Variants in TMEM132D observed in about 807,000 individuals in gnomAD.
TMEM132D encodes mature OL transmembrane protein.
A neutral mutation model predicts 62.3 loss-of-function variants in TMEM132D; 21 were observed. That is an observed-to-expected ratio of 0.34 (90% confidence interval 0.24 to 0.49). The LOEUF (loss-of-function observed/expected upper bound fraction) is 0.49, where lower values mean the gene tolerates loss of function less well. TMEM132D is among the 20% of genes least tolerant of loss of function. TMEM132D has a pLI of 0.99. For synonymous variants in TMEM132D, 621 were observed against 575.6 expected, an observed-to-expected ratio of 1.08 and a Z score of -1.13; for missense variants, 1,346 against 1,402.8, an observed-to-expected ratio of 0.96 and a Z score of 0.65.
intron 4 of TMEM132D, among the ~76,000 whole-genome samples, chr12:129,322,267 G>A (rs2128280): frequency 0.28 from 42,821 of 151,904 alleles, 6,793 homozygotes; most frequent in Non-Finnish European, 0.35. Context: ...ATAGTTCCAT[G>A]CTTAAATCCT....
At chr12:129,157,696 C>T (rs1462527405) in intron 5 of TMEM132D, among the ~76,000 whole-genome samples, 1 of 152,208 alleles carries the variant, frequency 6.6e-6, no homozygotes, top group Non-Finnish European at 1.5e-5. Flanking sequence ...AACAAAACCA[C>T]AGACCATCTG....
chr12:129,286,840 G>A (rs1881312008), intron 4 of TMEM132D, among the ~76,000 whole-genome samples: 1 of 152,160 alleles, frequency 6.6e-6, no homozygotes, highest in South Asian at 2.1e-4. Flanking sequence ...TTGAGGCTGG[G>A]AGTTTGAGAC....
chr12:129,171,448 C>T (rs546755472), intron 5 of TMEM132D, among the ~76,000 whole-genome samples: 1 of 152,322 alleles, frequency 6.6e-6, no homozygotes, highest in South Asian at 2.1e-4. Flanking sequence ...CTGAGGTCCT[C>T]CCATGAATCA....
At chr12:129,143,673 G>A (rs915620494) in intron 5 of TMEM132D, among the ~76,000 whole-genome samples, 2 of 152,176 alleles carry the variant, frequency 1.3e-5, no homozygotes, top group African/African-American at 4.8e-5. Flanking sequence ...ACATGTATGG[G>A]AAACTGAAGA....
At chr12:129,512,608 T>C (rs1417998527) in intron 3 of TMEM132D, among the ~76,000 whole-genome samples, 1 of 152,226 alleles carries the variant, frequency 6.6e-6, no homozygotes, top group Non-Finnish European at 1.5e-5. Flanking sequence ...TGGATTGTTT[T>C]AGCTCATGAG....
intron 3 of TMEM132D, among the ~76,000 whole-genome samples, chr12:129,453,369 G>T (rs1196283621): frequency 2.6e-5 from 4 of 152,082 alleles, no homozygotes; most frequent in African/African-American, 4.8e-5. Context: ...CCTCCCGCAG[G>T]GTCCCATCCT....
chr12:129,111,488 G>A (rs1006961569), intron 5 of TMEM132D: 4 of 152,300 alleles, frequency 2.6e-5, no homozygotes, highest in South Asian at 2.1e-4. Flanking sequence ...GCATTCTGAC[G>A]GACTGCTTCT....
chr12:129,818,827 G>T (rs987110819), intron 1 of TMEM132D, among the ~76,000 whole-genome samples: 1 of 151,888 alleles, frequency 6.6e-6, no homozygotes, highest in Non-Finnish European at 1.5e-5. Flanking sequence ...TTGAGCCCAG[G>T]AGTTGGAGAT....
At chr12:129,402,213 T>G (rs1263840267) in intron 3 of TMEM132D, among the ~76,000 whole-genome samples, 6 of 152,184 alleles carry the variant, frequency 3.9e-5, no homozygotes, top group Non-Finnish European at 7.3e-5. Context: ...GGGGAACTCT[T>G]CTGAGAGTCT....
chr12:129,563,549 G>C (rs1293060110), intron 2 of TMEM132D, among the ~76,000 whole-genome samples: 1 of 152,170 alleles, frequency 6.6e-6, no homozygotes, highest in Non-Finnish European at 1.5e-5. Flanking sequence ...GAGGTGACAA[G>C]AGAGATGTGT....
At chr12:129,518,758 G>T (rs1462680459) in intron 3 of TMEM132D, among the ~76,000 whole-genome samples, 1 of 151,944 alleles carries the variant, frequency 6.6e-6, no homozygotes, top group Non-Finnish European at 1.5e-5. Flanking sequence ...TTGTGAAACT[G>T]CTATAGTTAT....
At chr12:129,760,319 C>CTTT (rs1565976278) in intron 1 of TMEM132D, among the ~76,000 whole-genome samples, 2 of 95,696 alleles carry the variant, frequency 2.1e-5, no homozygotes, top group Admixed American at 1.6e-4. Context: ...ATGTAAGCCA[C>CTTT]TTTCTTTTTT....
intron 2 of TMEM132D, among the ~76,000 whole-genome samples, chr12:129,625,370 G>T (rs1471843997): frequency 1.3e-5 from 2 of 152,152 alleles, no homozygotes; most frequent in East Asian, 3.8e-4. Context: ...CTTTTAATCT[G>T]TTTTCCCTCT....
At chr12:129,769,495 A>G (rs1733466906) in intron 1 of TMEM132D, among the ~76,000 whole-genome samples, 1 of 152,174 alleles carries the variant, frequency 6.6e-6, no homozygotes, top group Non-Finnish European at 1.5e-5. Flanking sequence ...GGGAGCTACA[A>G]TTCAAGATAA....
chr12:129,585,448 G>C (rs1285297016), intron 2 of TMEM132D, among the ~76,000 whole-genome samples: 1 of 152,216 alleles, frequency 6.6e-6, no homozygotes, highest in East Asian at 1.9e-4. Context: ...GCAGCCGCAG[G>C]GCTGGCAGGA....
At chr12:129,469,523 T>C (rs1310779680) in intron 3 of TMEM132D, among the ~76,000 whole-genome samples, 2 of 152,196 alleles carry the variant, frequency 1.3e-5, no homozygotes, top group Non-Finnish European at 2.9e-5. Flanking sequence ...CTGAGAATTT[T>C]AAAATTAGAA....
chr12:129,085,407 A>G lies in TMEM132D; in HGVS notation c.1444-705T>C, dbSNP rs574122707. The G allele has an allele frequency of 2.0e-5, 3 of 152,366 alleles. No individual in the cohort carries two copies. The East Asian group carries it at 5.8e-4, about 29-fold the overall frequency. 9.4% of individuals were successfully genotyped at this position (152,366 alleles called of 1,614,324 possible). ...TGAGGCCTGTCCTGCAGAATTCCCT[A>G]GAGGGGCTCGATGGGACTTCACAGA... is the stretch of plus-strand genomic sequence containing the variant. On this transcript the variant is annotated intron_variant, in intron 5 of 8. Transcript: ENST00000422113.
At chr12:129,346,940 A>C (rs1869703764) in intron 3 of TMEM132D, among the ~76,000 whole-genome samples, 1 of 152,136 alleles carries the variant, frequency 6.6e-6, no homozygotes, top group Admixed American at 6.6e-5. Context: ...CAAGTCATGA[A>C]TGAACCCCCA....
intron 5 of TMEM132D, among the ~76,000 whole-genome samples, chr12:129,165,837 T>C (rs1331791955): frequency 6.6e-6 from 1 of 152,182 alleles, no homozygotes; most frequent in Non-Finnish European, 1.5e-5. Flanking sequence ...TTTGTGTAAG[T>C]ATAGAAAAAA....
Sources: gnomAD v4.1 joint callset for allele counts (sites outside exome capture counted in the v4.1 genomes callset) on GRCh38, gnomAD v4.1.1 for gene constraint, MANE v1.5 for transcripts, NCBI Gene and HGNC (gene_info 2026-07-23, HGNC 2026-07-21) for gene names.